DISC1: variants seen among roughly 807,000 people sequenced by gnomAD.
DISC1 encodes disrupted in schizophrenia 1 protein.
A neutral mutation model predicts 84.5 loss-of-function variants in DISC1; 57 were observed. The observed-to-expected ratio is 0.67, with a 90% confidence interval of 0.55 to 0.84. The LOEUF is 0.84. Among genes scored for constraint, DISC1 ranks in the 40% least tolerant of loss-of-function variants. The pLI is 0.00. For missense variants in DISC1, 1,000 were observed against 1,057.8 expected (o/e 0.95, Z 0.76); for synonymous variants, 411 against 415.2 (o/e 0.99, Z 0.12).
chr1:231,647,992 A>C (rs1182755483), intron 1 of DISC1, among the ~76,000 whole-genome samples: 1 of 152,254 alleles, frequency 6.6e-6, no homozygotes, highest in Non-Finnish European at 1.5e-5. Context: ...ATATACAATC[A>C]TATCATCTGC....
chr1:231,746,813 T>G (rs896808834), intron 3 of DISC1, among the ~76,000 whole-genome samples: 1 of 152,218 alleles, frequency 6.6e-6, no homozygotes, highest in Admixed American at 6.5e-5. Context: ...ATTGTATTTC[T>G]TTTGTTGAGA....
At chr1:231,849,255 G>A (rs2125893365) in intron 9 of DISC1, among the ~76,000 whole-genome samples, 1 of 151,970 alleles carries the variant, frequency 6.6e-6, no homozygotes, top group Admixed American at 6.5e-5. Context: ...CGAGTAGCTG[G>A]GATCATAGGG....
chr1:231,791,752 A>G lies in DISC1; in HGVS notation c.1635-3490A>G, dbSNP rs146946239. On this transcript the variant is annotated intron_variant, in intron 6 of 12. Coordinates refer to ENST00000439617, the MANE Select transcript of DISC1 (RefSeq NM_018662.3). ...TTTTTAAAAAGTGGGGATTGGTTTC[A>G]CTCATTAAAGTACACGGAACTCCTG... is the stretch of plus-strand genomic sequence containing the variant. 2.9e-4 allele frequency among the ~76,000 whole-genome samples: 44 copies of G among 152,250 alleles called. No individual in the cohort carries two copies. The East Asian group carries it at 6.9e-3, about 24-fold the overall frequency.
At chr1:231,829,552 A>T (rs546790737) in intron 9 of DISC1, among the ~76,000 whole-genome samples, 1 of 152,106 alleles carries the variant, frequency 6.6e-6, no homozygotes, top group East Asian at 1.9e-4. Flanking sequence ...GGATTATGCC[A>T]TGTTGCCTAG....
At chr1:232,036,132 A>C (rs2103071832) in intron 12 of DISC1, among the ~76,000 whole-genome samples, 1 of 152,326 alleles carries the variant, frequency 6.6e-6, no homozygotes, top group Admixed American at 6.5e-5. Flanking sequence ...GAGGTTTCAA[A>C]GTCATCATTT....
At chr1:231,757,414 T>C (rs937947323) in intron 4 of DISC1, among the ~76,000 whole-genome samples, 5 of 152,224 alleles carry the variant, frequency 3.3e-5, no homozygotes, top group Non-Finnish European at 7.3e-5. Context: ...CCTTTATGTT[T>C]TATTATTTTT....
intron 4 of DISC1, among the ~76,000 whole-genome samples, chr1:231,751,672 A>C (rs1056610083): frequency 1.3e-5 from 2 of 152,024 alleles, no homozygotes; most frequent in Non-Finnish European, 2.9e-5. Context: ...TCTAATTTCC[A>C]TTTCTCTGAA....
chr1:231,641,973 G>A lies in DISC1; in HGVS notation c.67+15039G>A, dbSNP rs147156838. Among the ~76,000 whole-genome samples, 309 of 152,334 alleles carry A rather than the reference G, an allele frequency of 2.0e-3. 1 individual carries two copies. The highest frequency in any genetic ancestry group is 3.1e-3 in the Non-Finnish European group (208 of 68,030). On this transcript the variant is annotated intron_variant, in intron 1 of 12. Coordinates refer to ENST00000439617, the MANE Select transcript of DISC1 (RefSeq NM_018662.3). ...TGCACTCCTCAGGCCTTGGGTGGTC[G>A]ATGGGACTGGGCGCTGTGGAGCAGG... is the stretch of plus-strand genomic sequence containing the variant.
At chr1:231,650,562 G>A (rs2060527962) in intron 1 of DISC1, among the ~76,000 whole-genome samples, 1 of 152,170 alleles carries the variant, frequency 6.6e-6, no homozygotes, top group Non-Finnish European at 1.5e-5. Context: ...TTCTTGAGGA[G>A]TATCTTTGTG....
intron 1 of DISC1, among the ~76,000 whole-genome samples, chr1:231,691,391 A>G (rs922653158): frequency 4.6e-5 from 7 of 151,878 alleles, no homozygotes; most frequent in Non-Finnish European, 8.8e-5. Flanking sequence ...AGATTGTGCC[A>G]CTGCACTCCA....
At chr1:232,025,301 C>T (rs1444747406) in intron 11 of DISC1, among the ~76,000 whole-genome samples, 1 of 152,154 alleles carries the variant, frequency 6.6e-6, no homozygotes, top group Non-Finnish European at 1.5e-5. Flanking sequence ...ATTGGCAAAG[C>T]TTAGCTTGCC....
chr1:231,796,699 G>A (rs1004516669), intron 7 of DISC1, among the ~76,000 whole-genome samples: 6 of 152,072 alleles, frequency 3.9e-5, no homozygotes, highest in African/African-American at 7.2e-5. Flanking sequence ...AGACAGCATC[G>A]GAGCCAGGGA....
intron 3 of DISC1, chr1:231,722,912 T>G: frequency 7.7e-7 from 1 of 1,291,514 alleles, no homozygotes; most frequent in Non-Finnish European, 9.9e-7. Flanking sequence ...ACAATTAGAT[T>G]TTTGTAGGGG....
intron 12 of DISC1, among the ~76,000 whole-genome samples, chr1:232,029,169 G>A (rs189343308): frequency 5.9e-5 from 9 of 152,138 alleles, no homozygotes; most frequent in African/African-American, 1.9e-4. Flanking sequence ...TGTGATAAGC[G>A]GAGAAGCACT....
intron 9 of DISC1, among the ~76,000 whole-genome samples, chr1:231,842,336 C>G (rs946555212): frequency 6.6e-6 from 1 of 152,118 alleles, no homozygotes; most frequent in African/African-American, 2.4e-5. Context: ...GTTTTCTGCC[C>G]CCAGTTCCTG....
At chr1:231,969,433 C>G (rs1661603456) in intron 10 of DISC1, among the ~76,000 whole-genome samples, 1 of 151,794 alleles carries the variant, frequency 6.6e-6, no homozygotes, top group Non-Finnish European at 1.5e-5. Flanking sequence ...TTCCCAGGCT[C>G]CAGAGCTCAG....
At chr1:232,022,504 T>C (rs189874268) in intron 11 of DISC1, among the ~76,000 whole-genome samples, 3,259 of 152,112 alleles carry the variant, frequency 0.021, 108 homozygotes, top group African/African-American at 0.074. Flanking sequence ...GACAGGGTTT[T>C]ACCATGTTGG....
At chr1:231,794,664 GGA>G (rs2078618621) in intron 6 of DISC1, among the ~76,000 whole-genome samples, 2 of 152,018 alleles carry the variant, frequency 1.3e-5, no homozygotes, top group African/African-American at 4.8e-5. Context: ...AGTTCCAGTG[GGA>G]GAGAGAGAAA....
intron 10 of DISC1, among the ~76,000 whole-genome samples, chr1:231,980,869 G>A (rs1249618956): frequency 6.6e-6 from 1 of 152,146 alleles, no homozygotes; most frequent in Non-Finnish European, 1.5e-5. Context: ...CCCAAAGAAA[G>A]CCTTTTACTC....
Sources: gnomAD v4.1 joint callset for allele counts (sites outside exome capture counted in the v4.1 genomes callset) on GRCh38, gnomAD v4.1.1 for gene constraint, MANE v1.5 for transcripts, NCBI Gene and HGNC (gene_info 2026-07-23, HGNC 2026-07-21) for gene names.